The following RP1L1 variants were observed in gnomAD, a reference collection of about 807,000 sequenced individuals.
The protein encoded by RP1L1 is RP1 like 1.
RP1L1 carries 27 observed loss-of-function variants against 15.7 expected under a neutral mutation model. The ratio of observed to expected loss-of-function variants is 1.72; its 90% CI spans 1.27 to 2.38. The LOEUF (loss-of-function observed/expected upper bound fraction) is 2.38. Among genes scored for constraint, RP1L1 ranks in the 30% most tolerant of loss-of-function variants. The pLI is 0.00. For synonymous variants in RP1L1, 1,813 were observed against 1,276.7 expected, an observed-to-expected ratio of 1.42 and a Z score of -8.96; for missense variants, 4,798 against 3,075.9, an observed-to-expected ratio of 1.56 and a Z score of -13.24.
chr8:10,623,700 C>T (rs778933848), intron 1 of RP1L1, among the ~76,000 whole-genome samples: 1 of 151,514 alleles, frequency 6.6e-6, no homozygotes, highest in Non-Finnish European at 1.5e-5. Flanking sequence ...GTTCCCAGGA[C>T]CTCCATGTCT....
rs529003390 is a variant in RP1L1, at chr8:10,629,746, C to T, written c.-19-6526G>A. Reference sequence around the variant, plus strand: ...GGCTCCATGGTGCCACCCATGTCCCCAGCTCCTCCTGTCTTTCTACCCTGC... The same window carrying T: ...GGCTCCATGGTGCCACCCATGTCCCTAGCTCCTCCTGTCTTTCTACCCTGC... On this transcript the variant is annotated intron_variant, in intron 1 of 3. Transcript: ENST00000382483. Among the ~76,000 whole-genome samples, 3 of 152,288 alleles carry T rather than the reference C, an allele frequency of 2.0e-5. No homozygotes were observed. The South Asian group carries it at 6.2e-4, about 32-fold the overall frequency.
chr8:10,610,366 A>G lies in RP1L1; in HGVS notation c.3732T>C (p.Tyr1244=), dbSNP rs373278754. The G allele has an allele frequency of 1.3e-4, 203 of 1,613,970 alleles. No homozygotes were observed. The highest frequency in any genetic ancestry group is 1.6e-4 in the Non-Finnish European group (194 of 1,180,030). ...GGTTTTCCAGATCCCCTGGGCTCTCATAAGTTCTTGAATCAGGCCTCTGGT... is the reference window on the plus strand; with the variant it reads ...GGTTTTCCAGATCCCCTGGGCTCTCGTAAGTTCTTGAATCAGGCCTCTGGT... The part of the protein sequence containing the change: ...TSNQRPDSRT[Y]ESPGDLENQQ... Residue 1244 remains tyrosine (Y), a synonymous_variant, in exon 4 of 4, where the codon TAT becomes TAC. Coordinates refer to ENST00000382483, the MANE Select transcript of RP1L1 (RefSeq NM_178857.6).
intron 2 of RP1L1, chr8:10,621,839 G>C (rs535220695): frequency 2.2e-6 from 1 of 457,270 alleles, no homozygotes; most frequent in South Asian, 1.5e-5. Flanking sequence ...TTCCAGCAGA[G>C]GTAGTAGCTT....
At chr8:10,628,135 G>A (rs889578413) in intron 1 of RP1L1, among the ~76,000 whole-genome samples, 1 of 152,204 alleles carries the variant, frequency 6.6e-6, no homozygotes, top group Non-Finnish European at 1.5e-5. Flanking sequence ...GTAACAAGCT[G>A]ATGGCTTTGA....
At chr8:10,647,517 C>G (rs965464308) in intron 1 of RP1L1, among the ~76,000 whole-genome samples, 2 of 152,216 alleles carry the variant, frequency 1.3e-5, no homozygotes, top group African/African-American at 4.8e-5. Context: ...CAGCCCCTGA[C>G]AGCCACCATT....
At chr8:10,623,254 C>G in intron 1 of RP1L1, 34 bp from the exon 2 acceptor site, 1 of 1,482,236 alleles carries the variant, frequency 6.7e-7, no homozygotes, top group African/African-American at 1.4e-5. Context: ...GGTCAGAGAG[C>G]AGCTTGGGGG....
At position 10,613,077 on chromosome 8, in the gene RP1L1, G is replaced by C. The variant is rs370720560; in HGVS notation, c.1021C>G (p.Arg341Gly). The C allele has an allele frequency of 2.5e-6, 4 of 1,613,652 alleles. No individual in the cohort carries two copies. The highest frequency in any genetic ancestry group is 2.7e-5 in the African/African-American group (2 of 74,938). ...AGGGCGCTGGCCCTGCCCATCCTCC[G>C]GGACCATAGGAGCGTGTCCTCGCCG... ...LVGEDTLLWSRRMGRASALTA... is the reference protein window; with the variant it reads ...LVGEDTLLWSGRMGRASALTA... Residue 341 changes from arginine to glycine, a missense_variant, in exon 4 of 4, where the codon CGG (arginine) becomes GGG (glycine). Arg to Gly is a moderately radical substitution (Grantham distance 125, BLOSUM62 -2). Coordinates refer to ENST00000382483, the MANE Select transcript of RP1L1 (RefSeq NM_178857.6).
chr8:10,610,714 A>C lies in RP1L1; in HGVS notation c.3384T>G (p.Phe1128Leu). ...LITCLASLQL[F>L]EEDLGSPASK... ...TGGCAGGAGACCCAAGGTCTTCCTCAAATAACTGCAGACTGGCCAGACAAG... is the reference window on the plus strand; with the variant it reads ...TGGCAGGAGACCCAAGGTCTTCCTCCAATAACTGCAGACTGGCCAGACAAG... Residue 1128 changes from phenylalanine to leucine, a missense_variant, in exon 4 of 4, where the codon TTT becomes TTG. By Grantham distance (22) the Phe-to-Leu change is conservative. Transcript: ENST00000382483. 6.2e-7 allele frequency: 1 copy of C among 1,613,588 alleles called. No individual in the cohort carries two copies. Among genetic ancestry groups the C allele is most frequent in the South Asian group, 1.1e-5 (1 of 91,084 alleles).
rs200118556 is a variant in RP1L1 at position 10,612,287 on chromosome 8, G to C, written c.1811C>G (p.Ala604Gly). Residue 604 changes from alanine to glycine, a missense_variant, in exon 4 of 4, where the codon GCG becomes GGG. By Grantham distance (60) the Ala-to-Gly change is moderately conservative. Transcript: ENST00000382483. ...AACCAGAGGCTCCCTTGTCACAGCC[G>C]CTCCCGTGGCCTGCTCGGTGCCCTG... ...QGQGTEQATGAAVTREPLVLG... is the reference protein window; with the variant it reads ...QGQGTEQATGGAVTREPLVLG... 3.7e-6 allele frequency: 6 copies of C among 1,613,122 alleles called. No homozygotes were observed. The Admixed American group carries it at 5.0e-5, about 13-fold the overall frequency.
chr8:10,619,985 G>A (rs1458599408), intron 2 of RP1L1, among the ~76,000 whole-genome samples: 3 of 144,336 alleles, frequency 2.1e-5, no homozygotes, highest in Non-Finnish European at 3.0e-5. Flanking sequence ...AAAAAAAGAT[G>A]TTGAGAGAGG....
Position 10,613,246 on chromosome 8 carries a change from C to T in RP1L1, c.852G>A (p.Pro284=), listed in dbSNP as rs370410297. Residue 284 remains proline, a synonymous_variant, in exon 4 of 4, where the codon CCG becomes CCA. Coordinates refer to ENST00000382483, the MANE Select transcript of RP1L1 (RefSeq NM_178857.6). ...GGTGCCTGCCAGGAGCAGGGCCCAC[C>T]GGGGGGTTGCTAGGACCAGGCCTTT... ...LPERPGPSNP[P]VGPAPGRHPQ... 6.8e-6 allele frequency: 11 copies of T among 1,611,850 alleles called. No individual in the cohort carries two copies. Among genetic ancestry groups the T allele is most frequent in the Middle Eastern group, 1.6e-4 (1 of 6,084 alleles).
intron 1 of RP1L1, among the ~76,000 whole-genome samples, chr8:10,645,141 A>G (rs1424359598): frequency 6.6e-6 from 1 of 152,072 alleles, no homozygotes; most frequent in Non-Finnish European, 1.5e-5. Context: ...AGTTCAAGCA[A>G]CATAGCCAGA....
intron 1 of RP1L1, among the ~76,000 whole-genome samples, chr8:10,636,994 G>A (rs772356741): frequency 1.1e-4 from 17 of 152,218 alleles, no homozygotes; most frequent in African/African-American, 2.9e-4. Flanking sequence ...AGGGCTCTAC[G>A]TGGGGCCACT....
At chr8:10,625,602 G>C (rs1013227345) in intron 1 of RP1L1, among the ~76,000 whole-genome samples, 2 of 152,168 alleles carry the variant, frequency 1.3e-5, no homozygotes, top group African/African-American at 2.4e-5. Context: ...ATGACTGAGC[G>C]ATAAAGGCGC....
Position 10,607,257 on chromosome 8 carries a change from G to C in RP1L1, c.6841C>G (p.Pro2281Ala), listed in dbSNP as rs759060554. The change falls in exon 4 of 4, where the codon CCT becomes GCT. Residue 2281 changes from proline to alanine, a missense_variant. Pro to Ala is a conservative substitution (Grantham distance 27, BLOSUM62 -1). Coordinates refer to ENST00000382483, the MANE Select transcript of RP1L1 (RefSeq NM_178857.6). ...PVPEDRPTPP[P>A]SPGGDTPHQR... ...TGGGGAGTGTCTCCACCTGGGGAAGGGGGTGGAGTGGGCCTGTCCTCAGGG... is the reference window on the plus strand; with the variant it reads ...TGGGGAGTGTCTCCACCTGGGGAAGCGGGTGGAGTGGGCCTGTCCTCAGGG... The C allele has an allele frequency of 5.3e-5, 85 of 1,614,046 alleles. No individual in the cohort carries two copies. The highest frequency in any genetic ancestry group is 6.6e-5 in the Non-Finnish European group (78 of 1,179,972).
At chr8:10,641,618 C>T (rs969658582) in intron 1 of RP1L1, among the ~76,000 whole-genome samples, 4 of 152,152 alleles carry the variant, frequency 2.6e-5, no homozygotes, top group East Asian at 3.8e-4. Flanking sequence ...TCAATGTTAT[C>T]GTAATGTAAA....
intron 1 of RP1L1, among the ~76,000 whole-genome samples, chr8:10,646,331 T>A (rs567213998): frequency 2.7e-4 from 41 of 151,412 alleles, no homozygotes; most frequent in Non-Finnish European, 4.4e-4. Context: ...GGAGCTGGAG[T>A]TTCAACCCAG....
rs773332850 is a variant in RP1L1 at position 10,607,251 on chromosome 8, G to C, written c.6847C>G (p.Pro2283Ala). ...PEDRPTPPPS[P>A]GGDTPHQRPG... ...CTTTGGTGGGGAGTGTCTCCACCTG[G>C]GGAAGGGGGTGGAGTGGGCCTGTCC... is the stretch of plus-strand genomic sequence containing the variant. The change falls in exon 4 of 4, where the codon CCA becomes GCA. Residue 2283 changes from proline (P) to alanine (A), a missense_variant. Transcript: ENST00000382483. 3.7e-6 allele frequency: 6 copies of C among 1,614,166 alleles called. No individual in the cohort carries two copies. In the East Asian group the frequency reaches 8.9e-5, roughly 24 times the overall value.
Position 10,609,769 on chromosome 8 carries a change from G to A in RP1L1, c.4329C>T (p.Pro1443=), listed in dbSNP as rs200467277. Residue 1443 remains proline, a synonymous_variant, in exon 4 of 4, where the codon CCC becomes CCT. Coordinates refer to ENST00000382483, the MANE Select transcript of RP1L1 (RefSeq NM_178857.6). ...CTGTGGGTTCCTCTGTGCCCTCTGC[G>A]GGGCACGGCTCTGCAGAGGCAGAGG... is the stretch of plus-strand genomic sequence containing the variant. The part of the protein sequence containing the change: ...GRASASAEPC[P]AEGTEEPTEP... 50 of 1,613,424 alleles carry A rather than the reference G, an allele frequency of 3.1e-5. 1 individual carries two copies. The Middle Eastern group carries it at 4.9e-4, about 16-fold the overall frequency.
Sources: allele counts gnomAD v4.1 joint callset (sites outside exome capture counted in the v4.1 genomes callset), GRCh38; gene constraint gnomAD v4.1.1; transcripts MANE v1.5; gene names NCBI Gene and HGNC (gene_info 2026-07-23, HGNC 2026-07-21).